Variants in ZBTB25 observed in about 807,000 individuals in gnomAD.
The protein encoded by ZBTB25 is zinc finger and BTB domain containing 25.
ZBTB25 carries 20 observed loss-of-function variants against 34.2 expected under a neutral mutation model. That is an observed-to-expected ratio of 0.58 (90% CI 0.41 to 0.85). ZBTB25 has a LOEUF of 0.85. Among genes scored for constraint, ZBTB25 ranks in the 40% least tolerant of loss-of-function variants. The pLI, the probability that ZBTB25 is intolerant of heterozygous loss-of-function variation, is 0.00. For synonymous variants in ZBTB25, 175 were observed against 186.4 expected (o/e 0.94, Z 0.50); for missense variants, 437 against 521.8 (o/e 0.84, Z 1.58).
intron 2 of ZBTB25, chr14:64,468,242 C>G: frequency 1.7e-6 from 1 of 601,924 alleles, no homozygotes; most frequent in Non-Finnish European, 2.7e-6. Context: ...CTAGAGAAAC[C>G]ACCTAAAACA....
At chr14:64,455,273 T>G (rs1159412503) in intron 2 of ZBTB25, 1 of 211,150 alleles carries the variant, frequency 4.7e-6, no homozygotes, top group Non-Finnish European at 9.7e-6. Flanking sequence ...GGACAGAGGT[T>G]TTACTGACAG....
chr14:64,499,616 G>GC (rs2079415151), intron 1 of ZBTB25: 2 of 151,894 alleles, frequency 1.3e-5, no homozygotes, highest in Non-Finnish European at 2.9e-5. Context: ...TCCTAAACTG[G>GC]CAGGATGGGC....
intron 1 of ZBTB25, 142 bp downstream of exon 1, chr14:64,503,519 C>T: frequency 2.0e-6 from 2 of 985,874 alleles, no homozygotes; most frequent in South Asian, 9.4e-5. Context: ...CCTGACATCT[C>T]AATCGGACCA....
chr14:64,486,802 A>G lies in ZBTB25; in HGVS notation c.*121T>C. On this transcript the variant is annotated 3_prime_UTR_variant, in exon 3 of 3. Transcript: ENST00000608382. ...ATCTAATATATACAACCTTAAAACC[A>G]TGGATAAGCTGTGAAGAAAAAAAGT... 7.0e-7 allele frequency: 1 copy of G among 1,437,430 alleles called. No homozygotes were observed. Among genetic ancestry groups the G allele is most frequent in the Non-Finnish European group, 9.1e-7 (1 of 1,099,648 alleles). The allele number at this position is 1,437,430 out of a possible 1,614,324, so 89.0% of individuals were successfully genotyped here.
intron 1 of ZBTB25, among the ~76,000 whole-genome samples, chr14:64,497,791 T>C (rs891373792): frequency 6.6e-6 from 1 of 152,212 alleles, no homozygotes; most frequent in African/African-American, 2.4e-5. Context: ...CTCAGATCTA[T>C]GGTAGCCAGC....
rs986000162 is a variant in ZBTB25, at chr14:64,483,157, T to C, written c.*3766A>G. The C allele has an allele frequency of 2.6e-5, 4 of 152,216 alleles. No individual in the cohort carries two copies. Among genetic ancestry groups the C allele is most frequent in the Non-Finnish European group, 5.9e-5 (4 of 68,042 alleles). The allele number at this position is 152,216 out of a possible 1,614,324, so 9.4% of individuals were successfully genotyped here. A position where few individuals can be genotyped will look rare whatever the true frequency, so the allele number is the denominator to read the frequency against. ...TGCCTGATACACACGAAAGTGCATA[T>C]GACATTTCCAGTTTCAAGCTTGGTA... On this transcript the variant is annotated 3_prime_UTR_variant, in exon 3 of 3. Transcript: ENST00000608382.
chr14:64,492,179 T>C (rs183224692), intron 1 of ZBTB25, among the ~76,000 whole-genome samples: 6 of 141,436 alleles, frequency 4.2e-5, no homozygotes, highest in African/African-American at 1.5e-4. Context: ...TGTACTGATG[T>C]GGAATAATCC....
Position 64,482,289 on chromosome 14 carries a change from A to G in ZBTB25, c.*4634T>C, listed in dbSNP as rs1216164148. ...AACATGATGAAACCCCATCTCTACT[A>G]AAAATACAAAAATTAGCTGGGTGTG... On this transcript the variant is annotated 3_prime_UTR_variant, in exon 3 of 3. Transcript: ENST00000608382. 2.0e-5 allele frequency: 3 copies of G among 152,150 alleles called. No individual in the cohort carries two copies. Among genetic ancestry groups the G allele is most frequent in the Non-Finnish European group, 4.4e-5 (3 of 68,026 alleles). The allele number at this position is 152,150 out of a possible 1,614,324, so 9.4% of individuals were successfully genotyped here.
rs2078740489 is a variant in ZBTB25, at chr14:64,478,419, A to T, written c.*8504T>A. On this transcript the variant is annotated 3_prime_UTR_variant, in exon 3 of 3. Coordinates refer to ENST00000608382, the MANE Select transcript of ZBTB25 (RefSeq NM_006977.5). ...GAAAAGAAAGTAAATTTCAGTAGGT[A>T]ACATACCTCATAGATTGTGGATGTA... The T allele has an allele frequency of 6.6e-6, 1 of 152,240 alleles. No homozygotes were observed. The highest frequency in any genetic ancestry group is 2.4e-5 in the African/African-American group (1 of 41,458). The allele number at this position is 152,240 out of a possible 1,614,324, so 9.4% of individuals were successfully genotyped here. A position where few individuals can be genotyped will look rare whatever the true frequency, so the allele number is the denominator to read the frequency against.
intron 1 of ZBTB25, among the ~76,000 whole-genome samples, chr14:64,493,668 A>T (rs2079166894): frequency 6.6e-6 from 1 of 152,210 alleles, no homozygotes; most frequent in Non-Finnish European, 1.5e-5. Context: ...ACAGAGATCA[A>T]ATCAAAGGTG....
chr14:64,465,206 C>T (rs375233064), intron 2 of ZBTB25, among the ~76,000 whole-genome samples: 1 of 151,962 alleles, frequency 6.6e-6, no homozygotes, highest in Admixed American at 6.5e-5. Flanking sequence ...GGTTCATTGC[C>T]CTGGTCCCCC....
At position 64,485,571 on chromosome 14, in the gene ZBTB25, T is replaced by A. The variant is rs1186567302; in HGVS notation, c.*1352A>T. The A allele has an allele frequency of 1.8e-5, 18 of 985,194 alleles. No individual in the cohort carries two copies. The highest frequency in any genetic ancestry group is 4.7e-5 in the South Asian group (1 of 21,290). The allele number at this position is 985,194 out of a possible 1,614,324, so 61.0% of individuals were successfully genotyped here. A position where few individuals can be genotyped will look rare whatever the true frequency, so the allele number is the denominator to read the frequency against. On this transcript the variant is annotated 3_prime_UTR_variant, in exon 3 of 3. Coordinates refer to ENST00000608382, the MANE Select transcript of ZBTB25 (RefSeq NM_006977.5). ...AAGTGTCACCATTATAAAAGAGAGT[T>A]AAGTTGATTTATAGAGGAAAAGCTA...
At chr14:64,491,362 G>T (rs533473600) in intron 1 of ZBTB25, among the ~76,000 whole-genome samples, 1 of 152,180 alleles carries the variant, frequency 6.6e-6, no homozygotes, top group East Asian at 1.9e-4. Flanking sequence ...ACTACTTGAG[G>T]GGCTGAGGCA....
At chr14:64,493,918 T>C (rs962774790) in intron 1 of ZBTB25, among the ~76,000 whole-genome samples, 1 of 151,290 alleles carries the variant, frequency 6.6e-6, no homozygotes, top group Non-Finnish European at 1.5e-5. Flanking sequence ...CTACCAGGTA[T>C]CTAAGTAGAA....
chr14:64,469,654 T>C (rs779894040), intron 2 of ZBTB25: 1 of 1,590,786 alleles, frequency 6.3e-7, no homozygotes, highest in Non-Finnish European at 8.5e-7. Context: ...CTGATGATAA[T>C]AAAATAAACA....
intron 2 of ZBTB25, among the ~76,000 whole-genome samples, chr14:64,450,689 G>C (rs1004209941): frequency 2.0e-5 from 3 of 152,118 alleles, no homozygotes; most frequent in Non-Finnish European, 4.4e-5. Context: ...CTCTAGGCTA[G>C]TTTCTGGCTT....
In ZBTB25 at chr14:64,479,111, T is replaced by G. The variant is rs2078749416; in HGVS notation, c.*7812A>C. 6.6e-6 allele frequency: 1 copy of G among 152,192 alleles called. No homozygotes were observed. The highest frequency in any genetic ancestry group is 2.1e-4 in the South Asian group (1 of 4,834). 9.4% of individuals were successfully genotyped at this position (152,192 alleles called of 1,614,324 possible). A position where few individuals can be genotyped will look rare whatever the true frequency, so the allele number is the denominator to read the frequency against. On this transcript the variant is annotated 3_prime_UTR_variant, in exon 3 of 3. Coordinates refer to ENST00000608382, the MANE Select transcript of ZBTB25 (RefSeq NM_006977.5). ...CAAATAGAATTTAATTCTGAACACA[T>G]CTCATACTCCAATACTTGCTCTAAA...
chr14:64,492,266 G>A (rs187986824), intron 1 of ZBTB25, among the ~76,000 whole-genome samples: 1 of 151,784 alleles, frequency 6.6e-6, no homozygotes, highest in Non-Finnish European at 1.5e-5. Flanking sequence ...GAGTGCAACG[G>A]CTCCATCTCG....
chr14:64,457,947 A>G (rs2078501945), intron 2 of ZBTB25: 2 of 558,650 alleles, frequency 3.6e-6, no homozygotes, highest in East Asian at 3.0e-5. Flanking sequence ...CGCCCAGGCA[A>G]TCGGATGATC....
Sources: allele counts gnomAD v4.1 joint callset (sites outside exome capture counted in the v4.1 genomes callset), GRCh38; gene constraint gnomAD v4.1.1; transcripts MANE v1.5; gene names NCBI Gene and HGNC (gene_info 2026-07-23, HGNC 2026-07-21).